The following TRIM59 variants were observed in gnomAD, a reference collection of about 807,000 sequenced individuals.
TRIM59 encodes tripartite motif containing 59.
A neutral mutation model predicts 32.2 loss-of-function variants in TRIM59; 14 were observed. That is an observed-to-expected ratio of 0.43 (90% CI 0.29 to 0.68). The LOEUF (loss-of-function observed/expected upper bound fraction) is 0.68. Ranked by LOEUF, TRIM59 falls within the 30% of genes least tolerant of loss-of-function variation. The pLI is 0.15. For synonymous variants in TRIM59, 163 were observed against 155.1 expected (o/e 1.05, Z -0.38); for missense variants, 471 against 463.3 (o/e 1.02, Z -0.15).
chr3:160,441,831 A>C (rs761741323), intron 2 of TRIM59, among the ~76,000 whole-genome samples: 13 of 152,174 alleles, frequency 8.5e-5, no homozygotes, highest in Non-Finnish European at 1.5e-4. Flanking sequence ...GAATGAGCCA[A>C]AGTGTGTCAC....
At chr3:160,449,536 G>A (rs1719711154) in intron 1 of TRIM59, 181 bp downstream of exon 1, 12 of 1,254,776 alleles carry the variant, frequency 9.6e-6, no homozygotes, top group Non-Finnish European at 1.2e-5. Flanking sequence ...GGACGGGAAA[G>A]TGGCTCCCCA....
intron 1 of TRIM59, chr3:160,449,423 TC>T: frequency 9.1e-7 from 1 of 1,101,244 alleles, no homozygotes; most frequent in South Asian, 1.8e-5. Flanking sequence ...CACCCGCCCG[TC>T]CCCAACCCCG....
chr3:160,449,736 A>C lies in TRIM59; in HGVS notation c.-93T>G. 1 of 1,289,912 alleles carries C rather than the reference A, an allele frequency of 7.8e-7. No homozygotes were observed. Among genetic ancestry groups the C allele is most frequent in the Admixed American group, 2.3e-5 (1 of 43,574 alleles). 79.9% of individuals were successfully genotyped at this position (1,289,912 alleles called of 1,614,324 possible). ...ACTCACCGCGGGGAGGAAGCGGACC[A>C]GGCAACTCCACAGCACGGAAACACA... On this transcript the variant is annotated 5_prime_UTR_variant, in exon 1 of 3. Coordinates refer to ENST00000309784, the MANE Select transcript of TRIM59 (RefSeq NM_173084.3).
chr3:160,446,010 C>T (rs746238266), intron 2 of TRIM59, among the ~76,000 whole-genome samples: 8 of 151,990 alleles, frequency 5.3e-5, no homozygotes, highest in African/African-American at 1.9e-4. Context: ...GGTCTCACTA[C>T]GTTGCCCAGG....
intron 2 of TRIM59, among the ~76,000 whole-genome samples, chr3:160,444,102 T>A (rs999625014): frequency 1.3e-5 from 2 of 152,080 alleles, no homozygotes; most frequent in African/African-American, 2.4e-5. Context: ...ATTGTAAATA[T>A]CAAATACTGA....
chr3:160,443,122 T>C (rs1719341041), intron 2 of TRIM59, among the ~76,000 whole-genome samples: 1 of 151,686 alleles, frequency 6.6e-6, no homozygotes, highest in East Asian at 1.9e-4. Context: ...CTGCCTTTTT[T>C]AGAAAAAAAA....
rs1341802829 is a variant in TRIM59, at chr3:160,438,436, A to AT, written c.747dup (p.Phe250IlefsTer3). ...CGTACATCATCAACTTTTTCAAGAA[A>AT]TTTAAGTGGAGACTCTTCTTGTAAA... is the stretch of plus-strand genomic sequence containing the variant. On this transcript the variant is annotated frameshift_variant, in exon 3 of 3. Coordinates refer to ENST00000309784, the MANE Select transcript of TRIM59 (RefSeq NM_173084.3). LOFTEE classifies it high-confidence loss of function. The AT allele has an allele frequency of 6.2e-7, 1 of 1,614,028 alleles. No individual in the cohort carries two copies. The highest frequency in any genetic ancestry group is 8.5e-7 in the Non-Finnish European group (1 of 1,179,994).
chr3:160,442,087 T>G (rs1487219233), intron 2 of TRIM59, among the ~76,000 whole-genome samples: 4 of 152,214 alleles, frequency 2.6e-5, no homozygotes, highest in Non-Finnish European at 5.9e-5. Flanking sequence ...AATAACACTT[T>G]GTAGGAAATA....
chr3:160,444,578 T>G (rs2108519212), intron 2 of TRIM59, among the ~76,000 whole-genome samples: 1 of 152,330 alleles, frequency 6.6e-6, no homozygotes, highest in South Asian at 2.1e-4. Flanking sequence ...GGAGATGAAA[T>G]CTATTCTCCC....
chr3:160,436,983 A>G lies in TRIM59; in HGVS notation c.*989T>C. On this transcript the variant is annotated 3_prime_UTR_variant, in exon 3 of 3. Transcript: ENST00000309784. ...AATAAGAATGAGTTTTTAATCCAAG[A>G]ACTGATTTGACTGACGAGCAGAAAA... 1 of 985,180 alleles carries G rather than the reference A, an allele frequency of 1.0e-6. No homozygotes were observed. Among genetic ancestry groups the G allele is most frequent in the Non-Finnish European group, 1.2e-6 (1 of 829,904 alleles). The allele number at this position is 985,180 out of a possible 1,614,324, so 61.0% of individuals were successfully genotyped here. A position where few individuals can be genotyped will look rare whatever the true frequency, so the allele number is the denominator to read the frequency against.
intron 2 of TRIM59, among the ~76,000 whole-genome samples, chr3:160,447,573 G>T (rs979028679): frequency 6.6e-6 from 1 of 152,194 alleles, no homozygotes; most frequent in East Asian, 1.9e-4. Context: ...TATAATAGAT[G>T]ATTAAATAGC....
chr3:160,449,600 A>G, intron 1 of TRIM59, 117 bp downstream of exon 1: 1 of 1,289,422 alleles, frequency 7.8e-7, no homozygotes, highest in Non-Finnish European at 1.0e-6. Flanking sequence ...CACTCCCTCC[A>G]TCGTCGCGCC....
rs3180411 is a variant in TRIM59 at position 160,435,813 on chromosome 3, A to G, written c.*2159T>C. 1.0e-3 allele frequency: 562 copies of G among 549,738 alleles called. No homozygotes were observed. The highest frequency in any genetic ancestry group is 9.9e-3 in the African/African-American group (511 of 51,744). The allele number at this position is 549,738 out of a possible 1,614,324, so 34.1% of individuals were successfully genotyped here. A position where few individuals can be genotyped will look rare whatever the true frequency, so the allele number is the denominator to read the frequency against. ...TTGGCCTACTTTAAAGTTGAGTGATAGCATGAACTCTGAAAAGAGAATGCA... is the reference window on the plus strand; with the variant it reads ...TTGGCCTACTTTAAAGTTGAGTGATGGCATGAACTCTGAAAAGAGAATGCA... On this transcript the variant is annotated 3_prime_UTR_variant, in exon 3 of 3. Coordinates refer to ENST00000309784, the MANE Select transcript of TRIM59 (RefSeq NM_173084.3).
chr3:160,448,657 A>C, intron 2 of TRIM59, 69 bp downstream of exon 2: 1 of 892,698 alleles, frequency 1.1e-6, no homozygotes. Context: ...TTCACTTTGT[A>C]GTTTAAATCA....
At position 160,437,330 on chromosome 3, in the gene TRIM59, G is replaced by C; in HGVS notation, c.*642C>G. 1 of 970,094 alleles carries C rather than the reference G, an allele frequency of 1.0e-6. No individual in the cohort carries two copies. The highest frequency in any genetic ancestry group is 1.2e-6 in the Non-Finnish European group (1 of 816,032). The allele number at this position is 970,094 out of a possible 1,614,324, so 60.1% of individuals were successfully genotyped here. ...GACCAGACAACTACACTCCAGCCTGGGCAACAAGGTGAGACCCAGTCTCAA... is the reference window on the plus strand; with the variant it reads ...GACCAGACAACTACACTCCAGCCTGCGCAACAAGGTGAGACCCAGTCTCAA... On this transcript the variant is annotated 3_prime_UTR_variant, in exon 3 of 3. Coordinates refer to ENST00000309784, the MANE Select transcript of TRIM59 (RefSeq NM_173084.3).
chr3:160,436,821 AAAAAGATTAAGTTGTT>A lies in TRIM59; in HGVS notation c.*1135_*1150del. On this transcript the variant is annotated 3_prime_UTR_variant, in exon 3 of 3. Coordinates refer to ENST00000309784, the MANE Select transcript of TRIM59 (RefSeq NM_173084.3). ...TCAAAAAAAAAAAAAAAAAAAAAAA[AAAAAGATTAAGTTGTT>A]GGTACTTTTGCATTAGCTTAAGGGA... The A allele has an allele frequency of 1.1e-6, 1 of 925,100 alleles. No individual in the cohort carries two copies. The highest frequency in any genetic ancestry group is 6.2e-5 in the Admixed American group (1 of 16,142). The allele number at this position is 925,100 out of a possible 1,614,324, so 57.3% of individuals were successfully genotyped here. A position where few individuals can be genotyped will look rare whatever the true frequency, so the allele number is the denominator to read the frequency against.
chr3:160,443,691 T>G (rs1284012331), intron 2 of TRIM59, among the ~76,000 whole-genome samples: 1 of 151,710 alleles, frequency 6.6e-6, no homozygotes, highest in Non-Finnish European at 1.5e-5. Context: ...CAGGCTGGAG[T>G]GCAGTGGCCG....
In TRIM59 at chr3:160,438,009, A is replaced by G. The variant is rs764304665; in HGVS notation, c.1175T>C (p.Leu392Ser). 1.9e-5 allele frequency: 30 copies of G among 1,560,816 alleles called. No individual in the cohort carries two copies. Among genetic ancestry groups the G allele is most frequent in the Middle Eastern group, 1.7e-4 (1 of 5,830 alleles). ...TATTTTCCACACAAATTCCTTCAAC[A>G]AATAGAAAATGTGACACAGTATATT... ...VKNILCHIFY[L>S]LKEFVWKIVS... Residue 392 changes from leucine (L) to serine (S), a missense_variant, in exon 3 of 3, where the codon TTG (leucine) becomes TCG (serine). Physicochemically the swap from Leu to Ser is moderately radical, Grantham distance 145. Transcript: ENST00000309784.
At chr3:160,444,586 C>G (rs1331196375) in intron 2 of TRIM59, among the ~76,000 whole-genome samples, 1 of 152,172 alleles carries the variant, frequency 6.6e-6, no homozygotes, top group Non-Finnish European at 1.5e-5. Flanking sequence ...AATCTATTCT[C>G]CCCCATTAGA....
Sources: gnomAD v4.1 joint callset for allele counts (sites outside exome capture counted in the v4.1 genomes callset) on GRCh38, gnomAD v4.1.1 for gene constraint, MANE v1.5 for transcripts, NCBI Gene and HGNC (gene_info 2026-07-23, HGNC 2026-07-21) for gene names.